Variants in LGSN observed in about 807,000 individuals in gnomAD.
LGSN encodes the protein lengsin.
In LGSN, 21 loss-of-function variants were observed where a neutral mutation model predicts 19.5. The observed-to-expected ratio is 1.07, with a 90% confidence interval of 0.76 to 1.55. The LOEUF (loss-of-function observed/expected upper bound fraction) is 1.55, where lower values mean the gene tolerates loss of function less well. Ranked by LOEUF, LGSN falls within the 40% of genes most tolerant of loss-of-function variation. The pLI, the probability that LGSN is intolerant of heterozygous loss-of-function variation, is 0.00. For missense variants in LGSN, 673 were observed against 608.5 expected (o/e 1.11, Z -1.12); for synonymous variants, 257 against 215.6 (o/e 1.19, Z -1.68).
the LGSN span, chr6:63,480,120 A>T: frequency 6.5e-3 from 1,322 of 201,958 alleles, 6 homozygotes; most frequent in Non-Finnish European, 9.4e-3. Flanking sequence ...CAGCTCTCAG[A>T]TGCAGCTGAT....
At chr6:63,413,389 TA>T in the LGSN span, among the ~76,000 whole-genome samples, 2 of 152,186 alleles carry the variant, frequency 1.3e-5, no homozygotes, top group African/African-American at 4.8e-5. Context: ...GAAATTAATT[TA>T]AAAAGAAAGA....
At chr6:63,311,652 T>C (rs1768632986) in intron 1 of LGSN, among the ~76,000 whole-genome samples, 1 of 152,218 alleles carries the variant, frequency 6.6e-6, no homozygotes. Context: ...TGATGTCCTA[T>C]GCTTAATGCC....
the LGSN span, among the ~76,000 whole-genome samples, chr6:63,557,177 A>G: frequency 6.6e-6 from 1 of 152,218 alleles, no homozygotes; most frequent in African/African-American, 2.4e-5. Flanking sequence ...TCATCATGGG[A>G]TGAATGCTGC....
At chr6:63,380,356 A>G in the LGSN span, among the ~76,000 whole-genome samples, 1 of 152,228 alleles carries the variant, frequency 6.6e-6, no homozygotes, top group Non-Finnish European at 1.5e-5. Context: ...GAAAGCAATA[A>G]CATCAATTTG....
At chr6:63,381,947 A>C in the LGSN span, among the ~76,000 whole-genome samples, 1 of 152,220 alleles carries the variant, frequency 6.6e-6, no homozygotes, top group Non-Finnish European at 1.5e-5. Context: ...ATGTTTCCTG[A>C]CTACATGACA....
the LGSN span, among the ~76,000 whole-genome samples, chr6:63,328,752 G>A: frequency 1.4e-4 from 21 of 152,200 alleles, no homozygotes; most frequent in Admixed American, 1.4e-3. Flanking sequence ...ACTAGGACCT[G>A]CTTTAAGGTT....
the LGSN span, among the ~76,000 whole-genome samples, chr6:63,523,201 C>T: frequency 1.3e-5 from 2 of 151,856 alleles, no homozygotes; most frequent in Non-Finnish European, 2.9e-5. Context: ...ATCACTCTTA[C>T]GAGTCATCAA....
chr6:63,437,307 C>T, the LGSN span, among the ~76,000 whole-genome samples: 7 of 152,158 alleles, frequency 4.6e-5, no homozygotes, highest in East Asian at 1.4e-3. Flanking sequence ...TTTGCTACCT[C>T]ATTATTCATG....
chr6:63,569,297 C>A, the LGSN span, among the ~76,000 whole-genome samples: 1 of 152,202 alleles, frequency 6.6e-6, no homozygotes, highest in Non-Finnish European at 1.5e-5. Flanking sequence ...ACTCTGTCTC[C>A]CAGGCTAGAG....
chr6:63,304,040 A>G (rs1768282574), intron 1 of LGSN, among the ~76,000 whole-genome samples: 1 of 152,222 alleles, frequency 6.6e-6, no homozygotes, highest in Non-Finnish European at 1.5e-5. Context: ...CACAGTGGGA[A>G]AAGGGGCCTA....
At chr6:63,479,582 AC>A in the LGSN span, among the ~76,000 whole-genome samples, 1 of 152,088 alleles carries the variant, frequency 6.6e-6, no homozygotes, top group African/African-American at 2.4e-5. Context: ...TACTAAAAAC[AC>A]AAAAAAATTA....
At chr6:63,289,374 G>T (rs982145323) in intron 2 of LGSN, among the ~76,000 whole-genome samples, 1 of 151,940 alleles carries the variant, frequency 6.6e-6, no homozygotes, top group African/African-American at 2.4e-5. Flanking sequence ...CATCATTGTC[G>T]GAATTTATTT....
At chr6:63,329,462 G>A in the LGSN span, among the ~76,000 whole-genome samples, 39 of 152,328 alleles carry the variant, frequency 2.6e-4, no homozygotes, top group South Asian at 5.0e-3. Context: ...CTGACCGTTC[G>A]GTTTTTGTAC....
chr6:63,479,478 G>T, the LGSN span, among the ~76,000 whole-genome samples: 1 of 151,704 alleles, frequency 6.6e-6, no homozygotes, highest in African/African-American at 2.4e-5. Flanking sequence ...AGTGGGTCAC[G>T]CCTATAATCC....
At chr6:63,333,082 C>CA in the LGSN span, among the ~76,000 whole-genome samples, 2 of 151,684 alleles carry the variant, frequency 1.3e-5, no homozygotes, top group African/African-American at 2.4e-5. Context: ...AGATTTATTG[C>CA]AAAAAGTGAA....
At chr6:63,375,067 T>C in the LGSN span, among the ~76,000 whole-genome samples, 1 of 152,214 alleles carries the variant, frequency 6.6e-6, no homozygotes, top group African/African-American at 2.4e-5. Flanking sequence ...ACTCTATTGT[T>C]ATTGATGTCA....
chr6:63,291,171 G>A (rs1767751229), intron 2 of LGSN, among the ~76,000 whole-genome samples: 1 of 152,194 alleles, frequency 6.6e-6, no homozygotes, highest in Non-Finnish European at 1.5e-5. Flanking sequence ...GAGCCAAGGT[G>A]AGCGCTTTTG....
the LGSN span, among the ~76,000 whole-genome samples, chr6:63,348,752 T>A: frequency 1.3e-5 from 2 of 151,264 alleles, no homozygotes; most frequent in Non-Finnish European, 2.9e-5. Flanking sequence ...TTTTTTTTTT[T>A]TTTTTTTTGC....
At chr6:63,524,664 G>A in the LGSN span, among the ~76,000 whole-genome samples, 12 of 152,214 alleles carry the variant, frequency 7.9e-5, no homozygotes, top group African/African-American at 2.9e-4. Flanking sequence ...CTTCCTGGCA[G>A]CCAAAGCAAA....
Sources: gnomAD v4.1 joint callset for allele counts (sites outside exome capture counted in the v4.1 genomes callset) on GRCh38, gnomAD v4.1.1 for gene constraint, MANE v1.5 for transcripts, NCBI Gene and HGNC (gene_info 2026-07-23, HGNC 2026-07-21) for gene names.